Variants in RANBP2 observed in about 807,000 individuals in gnomAD.
RANBP2 encodes E3 SUMO-protein ligase RanBP2.
RANBP2 carries 57 observed loss-of-function variants against 303.6 expected under a neutral mutation model. The observed-to-expected ratio is 0.19, with a 90% CI of 0.15 to 0.23. The LOEUF is 0.23. Among genes scored for constraint, RANBP2 ranks in the 10% least tolerant of loss-of-function variants. RANBP2 has a pLI of 1.00. For synonymous variants in RANBP2, 1,167 were observed against 1,301.5 expected (o/e 0.90, Z 2.23); for missense variants, 3,138 against 3,780.8 (o/e 0.83, Z 4.46).
the RANBP2 span, among the ~76,000 whole-genome samples, chr2:109,645,829 T>G: frequency 1.3e-5 from 2 of 151,814 alleles, no homozygotes; most frequent in Non-Finnish European, 2.9e-5. Context: ...CCAGCATGAG[T>G]GTTCATTGTA....
At chr2:109,535,828 T>C in the RANBP2 span, among the ~76,000 whole-genome samples, 1 of 152,152 alleles carries the variant, frequency 6.6e-6, no homozygotes, top group Non-Finnish European at 1.5e-5. Context: ...CAGAAGACAG[T>C]GGGTGCAACG....
the RANBP2 span, among the ~76,000 whole-genome samples, chr2:108,958,628 A>T: frequency 2.0e-5 from 3 of 152,298 alleles, no homozygotes; most frequent in South Asian, 2.1e-4. Context: ...CTCCCTTAGC[A>T]ATGGCAGAGC....
the RANBP2 span, among the ~76,000 whole-genome samples, chr2:109,087,341 T>C: frequency 6.6e-6 from 1 of 152,152 alleles, no homozygotes; most frequent in Non-Finnish European, 1.5e-5. Flanking sequence ...CCTCACAAAA[T>C]GCTGCTGCGG....
the RANBP2 span, among the ~76,000 whole-genome samples, chr2:109,646,186 C>T: frequency 6.6e-6 from 1 of 152,094 alleles, no homozygotes; most frequent in East Asian, 1.9e-4. Flanking sequence ...GTCCCTTATC[C>T]GTAAGGCAAG....
chr2:109,142,039 C>T, the RANBP2 span, among the ~76,000 whole-genome samples: 91 of 116,878 alleles, frequency 7.8e-4, no homozygotes, highest in Non-Finnish European at 1.3e-3. Context: ...GTCCTTGAGT[C>T]TCCTGGGGGG....
chr2:109,630,037 GA>G, the RANBP2 span, among the ~76,000 whole-genome samples: 3 of 152,092 alleles, frequency 2.0e-5, no homozygotes, highest in African/African-American at 7.2e-5. Flanking sequence ...GTGCAAGAAA[GA>G]ATGAGAAGAA....
the RANBP2 span, among the ~76,000 whole-genome samples, chr2:109,179,003 ATGTGTG>A: frequency 1.5e-4 from 21 of 142,176 alleles, no homozygotes; most frequent in South Asian, 4.6e-4. Flanking sequence ...AAGTATAATA[ATGTGTG>A]TGTGTGTGTG....
the RANBP2 span, among the ~76,000 whole-genome samples, chr2:108,854,447 A>T: frequency 3.3e-5 from 5 of 152,094 alleles, no homozygotes; most frequent in African/African-American, 1.2e-4. Flanking sequence ...GAGAGAATTG[A>T]TGTAAAGTTT....
At chr2:108,884,128 C>T in the RANBP2 span, 3 of 152,734 alleles carry the variant, frequency 2.0e-5, no homozygotes, top group Non-Finnish European at 4.4e-5. Context: ...GTCTTGAACT[C>T]CAGGGCTCAA....
chr2:109,579,947 C>A, the RANBP2 span, among the ~76,000 whole-genome samples: 1 of 151,314 alleles, frequency 6.6e-6, no homozygotes, highest in South Asian at 2.1e-4. Flanking sequence ...ATGGTGAAAC[C>A]CTGTCTCTAC....
the RANBP2 span, among the ~76,000 whole-genome samples, chr2:109,517,834 C>T: frequency 2.0e-5 from 3 of 152,236 alleles, no homozygotes; most frequent in East Asian, 3.8e-4. Flanking sequence ...AAGGACAATG[C>T]CATCCCCAGG....
At chr2:108,981,300 C>T in the RANBP2 span, among the ~76,000 whole-genome samples, 4 of 152,188 alleles carry the variant, frequency 2.6e-5, no homozygotes, top group Non-Finnish European at 5.9e-5. Context: ...GAGCCGCACC[C>T]GCCCCAGGTG....
At chr2:109,760,786 C>T in the RANBP2 span, among the ~76,000 whole-genome samples, 2 of 140,032 alleles carry the variant, frequency 1.4e-5, no homozygotes, top group Admixed American at 7.4e-5. Flanking sequence ...GTCCCCGTGC[C>T]GGCCGCTTCG....
At chr2:109,071,920 G>T in the RANBP2 span, among the ~76,000 whole-genome samples, 1 of 152,114 alleles carries the variant, frequency 6.6e-6, no homozygotes, top group Non-Finnish European at 1.5e-5. Flanking sequence ...TCAATAGGAG[G>T]AAAAGCAAAA....
the RANBP2 span, among the ~76,000 whole-genome samples, chr2:109,294,023 C>G: frequency 6.6e-6 from 1 of 152,244 alleles, no homozygotes; most frequent in Admixed American, 6.5e-5. Flanking sequence ...GTGTCACATC[C>G]CTTCTTGGAA....
the RANBP2 span, chr2:108,894,899 G>A: frequency 1.2e-4 from 18 of 152,176 alleles, no homozygotes; most frequent in African/African-American, 4.3e-4. Context: ...AGCACCAGGA[G>A]CAGAGAACAG....
intron 5 of RANBP2, 58 bp from the exon 6 acceptor site, chr2:108,736,046 G>T: frequency 1.2e-6 from 2 of 1,611,488 alleles, no homozygotes; most frequent in East Asian, 2.2e-5. Flanking sequence ...GGCTTAAAAT[G>T]ATTAATTTCT....
At chr2:108,979,629 G>A in the RANBP2 span, among the ~76,000 whole-genome samples, 122 of 152,236 alleles carry the variant, frequency 8.0e-4, no homozygotes, top group African/African-American at 2.7e-3. Context: ...CTGTGGAGAA[G>A]AGAAGCCCCT....
chr2:109,372,008 C>T, the RANBP2 span, among the ~76,000 whole-genome samples: 2 of 152,166 alleles, frequency 1.3e-5, no homozygotes, highest in Non-Finnish European at 2.9e-5. Flanking sequence ...TTCTCCAACT[C>T]CCCCAAGTGC....
Sources: allele counts gnomAD v4.1 joint callset (sites outside exome capture counted in the v4.1 genomes callset), GRCh38; gene constraint gnomAD v4.1.1; transcripts MANE v1.5; gene names NCBI Gene and HGNC (gene_info 2026-07-23, HGNC 2026-07-21).